Variants in PRKCA observed in about 807,000 individuals in gnomAD.
PRKCA encodes the protein protein kinase C alpha.
In PRKCA, 27 loss-of-function variants were observed where a neutral mutation model predicts 87.0. The observed-to-expected ratio is 0.31, with a 90% CI of 0.23 to 0.43. The LOEUF is 0.43. Among genes scored for constraint, PRKCA ranks in the 20% least tolerant of loss-of-function variants. The pLI is 1.00. For synonymous variants in PRKCA, 329 were observed against 311.1 expected, an observed-to-expected ratio of 1.06 and a Z score of -0.61; for missense variants, 518 against 852.3, an observed-to-expected ratio of 0.61 and a Z score of 4.88.
At chr17:66,575,528 C>T (rs187026357) in intron 3 of PRKCA, among the ~76,000 whole-genome samples, 275 of 152,142 alleles carry the variant, frequency 1.8e-3, no homozygotes, top group African/African-American at 5.9e-3. Context: ...TGCAGTGAGC[C>T]GAGATCGCAT....
intron 14 of PRKCA, chr17:66,774,938 C>T (rs1975013958): frequency 3.0e-6 from 3 of 985,272 alleles, no homozygotes; most frequent in African/African-American, 3.5e-5. Context: ...ACCAGATAAC[C>T]ATGTGCCTTA....
intron 13 of PRKCA, among the ~76,000 whole-genome samples, chr17:66,744,581 G>A (rs149013954): frequency 0.014 from 2,122 of 152,316 alleles, 26 homozygotes; most frequent in Middle Eastern, 0.027. Context: ...ACAGTGTCCA[G>A]TAGAGACAAA....
At chr17:66,635,997 GT>G (rs889890443) in intron 3 of PRKCA, among the ~76,000 whole-genome samples, 3 of 152,090 alleles carry the variant, frequency 2.0e-5, no homozygotes, top group Non-Finnish European at 4.4e-5. Flanking sequence ...TAGTCCGGTT[GT>G]TTTCAACTTT....
intron 8 of PRKCA, among the ~76,000 whole-genome samples, chr17:66,709,788 C>T (rs2144121508): frequency 6.6e-6 from 1 of 152,090 alleles, no homozygotes; most frequent in Middle Eastern, 3.4e-3. Context: ...ACTCACTGCC[C>T]ACCAGCTTAT....
At chr17:66,788,424 T>C (rs1598945044) in intron 15 of PRKCA, among the ~76,000 whole-genome samples, 1 of 152,308 alleles carries the variant, frequency 6.6e-6, no homozygotes, top group East Asian at 1.9e-4. Context: ...CGTAGACATA[T>C]GATGCTTATT....
Position 66,403,022 on chromosome 17 carries a change from G to A in PRKCA, c.206-93179G>A, listed in dbSNP as rs145668125. Among the ~76,000 whole-genome samples, 332 of 152,132 alleles carry A rather than the reference G, an allele frequency of 2.2e-3. 1 individual carries two copies. Among genetic ancestry groups the A allele is most frequent in the African/African-American group, 7.6e-3 (316 of 41,498 alleles). ...TTTTAGTCACATTTATTGATTGATTGGTTTCTTTATTATCACGGTTTGAGC... is the reference window on the plus strand; with the variant it reads ...TTTTAGTCACATTTATTGATTGATTAGTTTCTTTATTATCACGGTTTGAGC... On this transcript the variant is annotated intron_variant, in intron 2 of 16. Transcript: ENST00000413366.
chr17:66,710,212 G>T (rs77850933), intron 8 of PRKCA, among the ~76,000 whole-genome samples: 1 of 151,748 alleles, frequency 6.6e-6, no homozygotes, highest in African/African-American at 2.4e-5. Context: ...TGCACCTGGG[G>T]TGCCTCCGGA....
intron 5 of PRKCA, among the ~76,000 whole-genome samples, chr17:66,675,234 C>T (rs765648280): frequency 6.6e-6 from 1 of 152,174 alleles, no homozygotes; most frequent in Non-Finnish European, 1.5e-5. Flanking sequence ...CATCCTCACA[C>T]GGTGGAAGGG....
At chr17:66,368,677 C>T (rs1201398306) in intron 2 of PRKCA, among the ~76,000 whole-genome samples, 1 of 151,994 alleles carries the variant, frequency 6.6e-6, no homozygotes, top group Non-Finnish European at 1.5e-5. Flanking sequence ...CAGGCATAAG[C>T]CACCATGCCT....
chr17:66,366,541 T>C (rs923813699), intron 2 of PRKCA, among the ~76,000 whole-genome samples: 1 of 152,190 alleles, frequency 6.6e-6, no homozygotes, highest in Non-Finnish European at 1.5e-5. Context: ...ACCTATTAGC[T>C]GAATTGAGGA....
intron 8 of PRKCA, among the ~76,000 whole-genome samples, chr17:66,711,826 T>C (rs1030240309): frequency 2.0e-5 from 3 of 152,202 alleles, no homozygotes; most frequent in Non-Finnish European, 4.4e-5. Flanking sequence ...TTAGAGTTTC[T>C]CATCTCTAGA....
chr17:66,464,212 C>A (rs72838295), intron 2 of PRKCA, among the ~76,000 whole-genome samples: 6,587 of 152,126 alleles, frequency 0.043, 193 homozygotes, highest in Non-Finnish European at 0.066. Flanking sequence ...CTGGATGGCT[C>A]ATTTCTGTTT....
intron 3 of PRKCA, among the ~76,000 whole-genome samples, chr17:66,517,060 C>T (rs1034310851): frequency 9.2e-5 from 14 of 152,082 alleles, no homozygotes; most frequent in South Asian, 4.2e-4. Flanking sequence ...CCGAGGCGGG[C>T]GGATCACGAG....
At chr17:66,357,088 T>C (rs1005140863) in intron 2 of PRKCA, among the ~76,000 whole-genome samples, 2 of 152,196 alleles carry the variant, frequency 1.3e-5, no homozygotes, top group African/African-American at 4.8e-5. Flanking sequence ...TCCAGAAATC[T>C]TGTCTTTTGC....
At chr17:66,775,831 G>T in intron 14 of PRKCA, 1 of 920,422 alleles carries the variant, frequency 1.1e-6, no homozygotes, top group Non-Finnish European at 1.3e-6. Flanking sequence ...CCTTAACTTC[G>T]TGAAGCTTAC....
intron 3 of PRKCA, among the ~76,000 whole-genome samples, chr17:66,563,989 TC>T (rs1968800106): frequency 3.4e-5 from 4 of 118,726 alleles, no homozygotes; most frequent in Non-Finnish European, 5.6e-5. Flanking sequence ...CTTCCTTCCT[TC>T]CTTCCTTCCT....
rs749367135 is a variant in PRKCA at position 66,804,084 on chromosome 17, G to T, written c.*47G>T. 1.3e-6 allele frequency: 2 copies of T among 1,573,220 alleles called. No homozygotes were observed. The highest frequency in any genetic ancestry group is 1.4e-5 in the African/African-American group (1 of 73,896). ...ACCTCCCCAGCCCCCAGCCCTCCCCGCAGTGGGAAGTGAATCCTTAACCCT... is the reference window on the plus strand; with the variant it reads ...ACCTCCCCAGCCCCCAGCCCTCCCCTCAGTGGGAAGTGAATCCTTAACCCT... On this transcript the variant is annotated 3_prime_UTR_variant, in exon 17 of 17. Coordinates refer to ENST00000413366, the MANE Select transcript of PRKCA (RefSeq NM_002737.3).
At chr17:66,315,867 C>A (rs895528897) in intron 2 of PRKCA, among the ~76,000 whole-genome samples, 22 of 152,228 alleles carry the variant, frequency 1.4e-4, no homozygotes, top group Non-Finnish European at 7.3e-5. Context: ...TCTGTTTAGT[C>A]TATGTCATGC....
intron 2 of PRKCA, among the ~76,000 whole-genome samples, chr17:66,343,178 G>A (rs1353572564): frequency 1.3e-5 from 2 of 150,964 alleles, no homozygotes; most frequent in Non-Finnish European, 3.0e-5. Flanking sequence ...CTGACCATAG[G>A]TTATATGTCA....
Sources: gnomAD v4.1 joint callset for allele counts (sites outside exome capture counted in the v4.1 genomes callset) on GRCh38, gnomAD v4.1.1 for gene constraint, MANE v1.5 for transcripts, NCBI Gene and HGNC (gene_info 2026-07-23, HGNC 2026-07-21) for gene names.